The following SLC6A5 variants were observed in gnomAD, a reference collection of about 807,000 sequenced individuals.
The protein encoded by SLC6A5 is solute carrier family 6 member 5.
SLC6A5 carries 58 observed loss-of-function variants against 90.5 expected under a neutral mutation model. That is an observed-to-expected ratio of 0.64 (90% CI 0.52 to 0.80). The LOEUF (loss-of-function observed/expected upper bound fraction) is 0.80. Ranked by LOEUF, SLC6A5 falls within the 30% of genes least tolerant of loss-of-function variation. SLC6A5 has a pLI of 0.00. For synonymous variants in SLC6A5, 427 were observed against 401.4 expected, an observed-to-expected ratio of 1.06 and a Z score of -0.76; for missense variants, 1,015 against 1,017.6, an observed-to-expected ratio of 1.00 and a Z score of 0.03.
At chr11:20,643,769 C>T (rs1387014180) in intron 13 of SLC6A5, among the ~76,000 whole-genome samples, 3 of 152,166 alleles carry the variant, frequency 2.0e-5, no homozygotes, top group African/African-American at 2.4e-5. Context: ...TTGGATGAAT[C>T]GTCATACTGT....
Position 20,636,303 on chromosome 11 carries a change from C to A in SLC6A5, c.1625-4C>A. ...CCTGCAATCATCTGTCTTGTTCCTT[C>A]CAGGGCCAGGCATTGCATTTGTGGT... On this transcript the variant is annotated splice_polypyrimidine_tract_variant and splice_region_variant and intron_variant, in intron 10 of 15. Transcript: ENST00000525748. 6.3e-7 allele frequency: 1 copy of A among 1,596,796 alleles called. No homozygotes were observed. The highest frequency in any genetic ancestry group is 8.6e-7 in the Non-Finnish European group (1 of 1,164,168).
In SLC6A5 at chr11:20,599,662, C is replaced by CA; in HGVS notation, c.-11_-10insA. ...ACCCTCCACCAGTTCAGTCTGTTGC[C>CA]TGTGTCAGACATGGTGAGTGTTTGC... On this transcript the variant is annotated 5_prime_UTR_variant, in exon 1 of 16. In the 5' UTR this introduces an upstream ATG that the reference lacks. Transcript: ENST00000525748. 2 of 1,614,112 alleles carry CA rather than the reference C, an allele frequency of 1.2e-6. No homozygotes were observed. The highest frequency in any genetic ancestry group is 1.6e-4 in the Middle Eastern group (1 of 6,062).
chr11:20,637,806 T>C (rs1011291895), intron 12 of SLC6A5, among the ~76,000 whole-genome samples: 1 of 152,234 alleles, frequency 6.6e-6, no homozygotes, highest in Non-Finnish European at 1.5e-5. Flanking sequence ...TTCTGATGAT[T>C]AATGTCATGT....
In SLC6A5 at chr11:20,610,145, G is replaced by C. The variant is rs1006960291; in HGVS notation, c.985+2493G>C. ...ATTTATTAATAATTGCCCAAGTAAA[G>C]AGAATCCCATTCCACAGCTTCCAAT... On this transcript the variant is annotated intron_variant, in intron 5 of 15. Coordinates refer to ENST00000525748, the MANE Select transcript of SLC6A5 (RefSeq NM_004211.5). Among the ~76,000 whole-genome samples, 2 of 152,208 alleles carry C rather than the reference G, an allele frequency of 1.3e-5. 1 individual carries two copies. Among genetic ancestry groups the C allele is most frequent in the Admixed American group, 1.3e-4 (2 of 15,280 alleles).
intron 6 of SLC6A5, among the ~76,000 whole-genome samples, chr11:20,616,328 G>T (rs1852782578): frequency 6.6e-6 from 1 of 152,208 alleles, no homozygotes; most frequent in Non-Finnish European, 1.5e-5. Flanking sequence ...GTAGTATGAT[G>T]AAATCTGAAA....
intron 1 of SLC6A5, 131 bp downstream of exon 1, chr11:20,599,806 A>G (rs1852423519): frequency 1.9e-6 from 2 of 1,046,970 alleles, no homozygotes; most frequent in African/African-American, 3.1e-5. Flanking sequence ...GAGGAGAACA[A>G]TTCTCGCAGC....
At chr11:20,602,243 G>T (rs1041720101) in intron 2 of SLC6A5, among the ~76,000 whole-genome samples, 1 of 152,092 alleles carries the variant, frequency 6.6e-6, no homozygotes, top group African/African-American at 2.4e-5. Context: ...CCAAAACCTG[G>T]TGTCTACTTT....
At chr11:20,602,285 A>G (rs1852495165) in intron 2 of SLC6A5, among the ~76,000 whole-genome samples, 2 of 152,062 alleles carry the variant, frequency 1.3e-5, no homozygotes, top group African/African-American at 4.8e-5. Flanking sequence ...TCCCTAAAGT[A>G]ACCTCCCTCA....
rs200797551 is a variant in SLC6A5, at chr11:20,599,717, A to T, written c.3+42A>T. 3.1e-4 allele frequency: 508 copies of T among 1,612,730 alleles called. 4 individuals carry two copies. The South Asian group carries it at 3.6e-3, about 11-fold the overall frequency. On this transcript the variant is annotated intron_variant, in intron 1 of 15. Transcript: ENST00000525748. ...GTTCTTTCAAGAGGAAAGGGGGCTG[A>T]GGGGACAGGGAAAGCAGATTCGTTT... is the stretch of plus-strand genomic sequence containing the variant.
intron 10 of SLC6A5, among the ~76,000 whole-genome samples, chr11:20,631,124 G>A (rs574001578): frequency 5.2e-4 from 79 of 152,334 alleles, no homozygotes; most frequent in African/African-American, 1.8e-3. Flanking sequence ...TACCTGTTAG[G>A]TATGAGTAGA....
chr11:20,601,107 G>T, intron 1 of SLC6A5, 22 bp from the exon 2 acceptor site: 1 of 1,577,350 alleles, frequency 6.3e-7, no homozygotes, highest in Non-Finnish European at 8.6e-7. Flanking sequence ...TGTTTTGCAC[G>T]AACTTGACAT....
At position 20,626,665 on chromosome 11, in the gene SLC6A5, G is replaced by C; in HGVS notation, c.1261-43G>C. On this transcript the variant is annotated intron_variant, in intron 7 of 15. Coordinates refer to ENST00000525748, the MANE Select transcript of SLC6A5 (RefSeq NM_004211.5). ...TGCTCCTTCTGCACAGGTGCACTCTGCAGGGCTGCTTCTTCCAGCCCCTCT... is the reference window on the plus strand; with the variant it reads ...TGCTCCTTCTGCACAGGTGCACTCTCCAGGGCTGCTTCTTCCAGCCCCTCT... 1.9e-6 allele frequency: 3 copies of C among 1,611,948 alleles called. 1 individual carries two copies. In the Middle Eastern group the frequency reaches 5.0e-4, roughly 267 times the overall value.
intron 13 of SLC6A5, among the ~76,000 whole-genome samples, chr11:20,644,316 C>T (rs147100160): frequency 1.7e-3 from 257 of 152,254 alleles, no homozygotes; most frequent in African/African-American, 6.0e-3. Context: ...AGATTCCACA[C>T]GTAAGTGAGA....
At chr11:20,609,379 T>C (rs1238785765) in intron 5 of SLC6A5, among the ~76,000 whole-genome samples, 1 of 152,006 alleles carries the variant, frequency 6.6e-6, no homozygotes, top group Non-Finnish European at 1.5e-5. Context: ...TATCAGCACA[T>C]GAGTGTGTTC....
chr11:20,657,116 G>A lies in SLC6A5; in HGVS notation c.*2248G>A, dbSNP rs781624987. ...ATGAATGGTTTTTGGCTCTCCTGTT[G>A]CCTCTTGGCTAAAACTCTGATTGAG... On this transcript the variant is annotated 3_prime_UTR_variant, in exon 16 of 16. Coordinates refer to ENST00000525748, the MANE Select transcript of SLC6A5 (RefSeq NM_004211.5). 24 of 151,920 alleles carry A rather than the reference G, an allele frequency of 1.6e-4. No homozygotes were observed. The highest frequency in any genetic ancestry group is 3.9e-4 in the Admixed American group (6 of 15,228). The allele number at this position is 151,920 out of a possible 1,614,324, so 9.4% of individuals were successfully genotyped here.
In SLC6A5 at chr11:20,656,833, G is replaced by C. The variant is rs3802804; in HGVS notation, c.*1965G>C. 1,488 of 152,194 alleles carry C rather than the reference G, an allele frequency of 9.8e-3. 34 individuals carry two copies. The highest frequency in any genetic ancestry group is 0.096 in the East Asian group (493 of 5,152). The allele number at this position is 152,194 out of a possible 1,614,324, so 9.4% of individuals were successfully genotyped here. A position where few individuals can be genotyped will look rare whatever the true frequency, so the allele number is the denominator to read the frequency against. ...CCTAAACTTAGCTTTAGGAAGCTGA[G>C]CTGTGGCCTCACCTGTCTGCCATGA... On this transcript the variant is annotated 3_prime_UTR_variant, in exon 16 of 16. Transcript: ENST00000525748.
rs369604275 is a variant in SLC6A5 at position 20,614,871 on chromosome 11, A to G, written c.1127+51A>G. 1,100 of 1,518,714 alleles carry G rather than the reference A, an allele frequency of 7.2e-4. 3 individuals are homozygous for G. The highest frequency in any genetic ancestry group is 1.6e-3 in the Admixed American group (96 of 59,860). 94.1% of individuals were successfully genotyped at this position (1,518,714 alleles called of 1,614,324 possible). On this transcript the variant is annotated intron_variant, in intron 6 of 15. Coordinates refer to ENST00000525748, the MANE Select transcript of SLC6A5 (RefSeq NM_004211.5). ...TTACCTTCTAAGAGAAACACAGTGA[A>G]TTAATAAATATTCAATTTGCAGACC...
At chr11:20,600,982 C>T in intron 1 of SLC6A5, 147 bp from the exon 2 acceptor site, 1 of 741,832 alleles carries the variant, frequency 1.3e-6, no homozygotes, top group East Asian at 2.8e-5. Flanking sequence ...CTGATTGCAG[C>T]CTTTCTTTTA....
In SLC6A5 at chr11:20,604,280, C is replaced by T. The variant is rs1247087234; in HGVS notation, c.541-6C>T. ...TGTTATCGACAATGTGCTTTTCCGC[C>T]CCCAGGAGGACGAGCAAGGGGATGA... On this transcript the variant is annotated splice_region_variant and splice_polypyrimidine_tract_variant and intron_variant, in intron 2 of 15. Coordinates refer to ENST00000525748, the MANE Select transcript of SLC6A5 (RefSeq NM_004211.5). 1 of 1,607,256 alleles carries T rather than the reference C, an allele frequency of 6.2e-7. No individual in the cohort carries two copies. Among genetic ancestry groups the T allele is most frequent in the Admixed American group, 1.7e-5 (1 of 59,760 alleles).
Sources: gnomAD v4.1 joint callset for allele counts (sites outside exome capture counted in the v4.1 genomes callset) on GRCh38, gnomAD v4.1.1 for gene constraint, MANE v1.5 for transcripts, NCBI Gene and HGNC (gene_info 2026-07-23, HGNC 2026-07-21) for gene names.